Variants in EFCAB11 observed in about 807,000 individuals in gnomAD.
The protein encoded by EFCAB11 is EF-hand calcium binding domain 11, also known as EF-hand calcium-binding domain-containing protein 11.
A neutral mutation model predicts 23.0 loss-of-function variants in EFCAB11; 14 were observed. The ratio of observed to expected loss-of-function variants is 0.61; its 90% CI spans 0.40 to 0.95. The LOEUF is 0.95. Among genes scored for constraint, EFCAB11 ranks in the 40% least tolerant of loss-of-function variants. The probability of loss-of-function intolerance (pLI) is 0.00; values close to 1 mark genes in which losing one functional copy is unlikely to be tolerated. For missense variants in EFCAB11, 198 were observed against 195.8 expected, an observed-to-expected ratio of 1.01 and a Z score of -0.07; for synonymous variants, 65 against 66.6, an observed-to-expected ratio of 0.98 and a Z score of 0.11.
chr14:89,954,577 G>C lies in EFCAB11; in HGVS notation c.75+9C>G, dbSNP rs1891376362. ...AAGTCCGAGGCTCAGTCGCCCTCCGGAAACCTACTTCCACCCACTTCCTGT... is the reference window on the plus strand; with the variant it reads ...AAGTCCGAGGCTCAGTCGCCCTCCGCAAACCTACTTCCACCCACTTCCTGT... On this transcript the variant is annotated intron_variant, in intron 1 of 5. Coordinates refer to ENST00000316738, the MANE Select transcript of EFCAB11 (RefSeq NM_145231.4). 4 of 1,613,594 alleles carry C rather than the reference G, an allele frequency of 2.5e-6. No individual in the cohort carries two copies. The highest frequency in any genetic ancestry group is 3.4e-6 in the Non-Finnish European group (4 of 1,179,854).
intron 5 of EFCAB11, chr14:89,833,297 A>G (rs531128696): frequency 6.6e-6 from 1 of 152,334 alleles, no homozygotes; most frequent in East Asian, 1.9e-4. Flanking sequence ...CTGTGCAAAA[A>G]GTAGGTACTT....
At chr14:89,925,219 G>A (rs896814618) in intron 5 of EFCAB11, among the ~76,000 whole-genome samples, 4 of 152,140 alleles carry the variant, frequency 2.6e-5, no homozygotes, top group African/African-American at 7.2e-5. Flanking sequence ...CAAGTACCAC[G>A]CCAAGGGAAA....
At chr14:89,838,951 T>C (rs1473663322) in intron 5 of EFCAB11, among the ~76,000 whole-genome samples, 1 of 152,146 alleles carries the variant, frequency 6.6e-6, no homozygotes, top group African/African-American at 2.4e-5. Context: ...GTGAAAGAAA[T>C]GAAAATCTAA....
chr14:89,942,501 G>C (rs746599063), intron 3 of EFCAB11, among the ~76,000 whole-genome samples: 1 of 152,200 alleles, frequency 6.6e-6, no homozygotes, highest in East Asian at 1.9e-4. Context: ...CTAGTTGCAA[G>C]CTTCTTCATT....
At chr14:89,931,755 T>C (rs1043264444) in intron 4 of EFCAB11, 124 bp from the exon 5 acceptor site, 4 of 729,410 alleles carry the variant, frequency 5.5e-6, no homozygotes, top group Non-Finnish European at 6.8e-6. Flanking sequence ...TAGTTTACGA[T>C]TGATTTCACA....
intron 5 of EFCAB11, among the ~76,000 whole-genome samples, chr14:89,877,504 C>G (rs1390179941): frequency 6.6e-6 from 1 of 152,172 alleles, no homozygotes; most frequent in Non-Finnish European, 1.5e-5. Context: ...TGCACATGAT[C>G]TTATTTCCTT....
chr14:89,836,059 C>T (rs1001865209), intron 5 of EFCAB11, among the ~76,000 whole-genome samples: 11 of 152,194 alleles, frequency 7.2e-5, no homozygotes, highest in Admixed American at 5.9e-4. Flanking sequence ...AGGAAGTTGA[C>T]GGCATTGCTA....
intron 5 of EFCAB11, among the ~76,000 whole-genome samples, chr14:89,929,013 G>A (rs1890290485): frequency 7.8e-6 from 1 of 127,886 alleles, no homozygotes; most frequent in East Asian, 2.3e-4. Context: ...ATGGAAAGAT[G>A]GACATATAAA....
At chr14:89,894,433 C>T (rs2140193813) in intron 5 of EFCAB11, among the ~76,000 whole-genome samples, 1 of 149,824 alleles carries the variant, frequency 6.7e-6, no homozygotes, top group Admixed American at 6.7e-5. Context: ...CCCACCTCCG[C>T]CCCCGACAGG....
At chr14:89,904,003 A>C (rs545696654) in intron 5 of EFCAB11, among the ~76,000 whole-genome samples, 1 of 152,142 alleles carries the variant, frequency 6.6e-6, no homozygotes, top group Non-Finnish European at 1.5e-5. Context: ...TTATACTTTA[A>C]GTTCTAGGTA....
At chr14:89,915,175 G>A (rs1363612568) in intron 5 of EFCAB11, among the ~76,000 whole-genome samples, 1 of 152,100 alleles carries the variant, frequency 6.6e-6, no homozygotes, top group African/African-American at 2.4e-5. Context: ...GCACACTAAA[G>A]GCTATTTCCA....
intron 5 of EFCAB11, among the ~76,000 whole-genome samples, chr14:89,868,066 C>G (rs1888153309): frequency 6.6e-6 from 1 of 152,238 alleles, no homozygotes; most frequent in Admixed American, 6.5e-5. Context: ...GTTCCAGATT[C>G]AGCTTCCCAA....
intron 3 of EFCAB11, among the ~76,000 whole-genome samples, chr14:89,945,403 C>T (rs1309075757): frequency 1.3e-5 from 2 of 152,196 alleles, no homozygotes; most frequent in Non-Finnish European, 2.9e-5. Flanking sequence ...ATCCATCCTA[C>T]AAAATTTGAA....
intron 3 of EFCAB11, 53 bp from the exon 4 acceptor site, chr14:89,932,680 G>GA (rs952608289): frequency 1.6e-5 from 23 of 1,406,916 alleles, no homozygotes; most frequent in African/African-American, 4.3e-5. Flanking sequence ...TCCTCTTTAA[G>GA]AAAAAATTAA....
chr14:89,868,914 A>C (rs974743594), intron 5 of EFCAB11, among the ~76,000 whole-genome samples: 1 of 152,218 alleles, frequency 6.6e-6, no homozygotes, highest in South Asian at 2.1e-4. Context: ...ACTAGGTCTC[A>C]TCCTAGTATG....
At chr14:89,800,563 T>C (rs1433404089) in intron 5 of EFCAB11, among the ~76,000 whole-genome samples, 1 of 152,208 alleles carries the variant, frequency 6.6e-6, no homozygotes, top group Non-Finnish European at 1.5e-5. Flanking sequence ...TAGACACATA[T>C]ACAGACTATC....
intron 5 of EFCAB11, among the ~76,000 whole-genome samples, chr14:89,869,857 C>T (rs1477326411): frequency 6.6e-6 from 1 of 152,186 alleles, no homozygotes; most frequent in Non-Finnish European, 1.5e-5. Flanking sequence ...AAGCTCTCTT[C>T]GCAAGTGTGA....
At chr14:89,907,721 GGA>G (rs1178842406) in intron 5 of EFCAB11, among the ~76,000 whole-genome samples, 1 of 152,124 alleles carries the variant, frequency 6.6e-6, no homozygotes, top group East Asian at 1.9e-4. Flanking sequence ...ACACCTGTGG[GGA>G]GAGAGAAAAA....
chr14:89,796,281 G>A lies in EFCAB11; in HGVS notation c.*962C>T, dbSNP rs1165668613. On this transcript the variant is annotated 3_prime_UTR_variant, in exon 6 of 6. Transcript: ENST00000316738. The stretch of plus-strand genomic sequence containing the variant: ...ATTTGGACTCAGGGACATTATCTTA[G>A]AGAAGTCTTTATATGTTTTTTTTTA... 6.6e-6 allele frequency: 1 copy of A among 152,190 alleles called. No individual in the cohort carries two copies. The highest frequency in any genetic ancestry group is 2.4e-5 in the African/African-American group (1 of 41,446). 9.4% of individuals were successfully genotyped at this position (152,190 alleles called of 1,614,324 possible).
Sources: allele counts gnomAD v4.1 joint callset (sites outside exome capture counted in the v4.1 genomes callset), GRCh38; gene constraint gnomAD v4.1.1; transcripts MANE v1.5; gene names NCBI Gene and HGNC (gene_info 2026-07-23, HGNC 2026-07-21).